UBR3: variants seen among roughly 807,000 people sequenced by gnomAD.
UBR3 encodes the protein E3 ubiquitin-protein ligase UBR3.
UBR3 carries 85 observed loss-of-function variants against 243.2 expected under a neutral mutation model. The ratio of observed to expected loss-of-function variants is 0.35; its 90% CI spans 0.29 to 0.42. The LOEUF (loss-of-function observed/expected upper bound fraction) is 0.42, where lower values mean the gene tolerates loss of function less well. Among genes scored for constraint, UBR3 ranks in the 10% least tolerant of loss-of-function variants. The pLI is 1.00. For synonymous variants in UBR3, 748 were observed against 799.8 expected (o/e 0.94, Z 1.09); for missense variants, 1,686 against 2,300.8 (o/e 0.73, Z 5.47).
chr2:170,012,549 A>T (rs2090115552), intron 29 of UBR3, among the ~76,000 whole-genome samples: 1 of 152,190 alleles, frequency 6.6e-6, no homozygotes, highest in African/African-American at 2.4e-5. Context: ...TAAAGGGAAG[A>T]TGAGCAAATT....
At chr2:169,837,259 C>T (rs111977362) in intron 1 of UBR3, among the ~76,000 whole-genome samples, 8,732 of 152,270 alleles carry the variant, frequency 0.057, 468 homozygotes, top group African/African-American at 0.14. Flanking sequence ...GGTGAATCAC[C>T]TGAGGTCGGG....
chr2:169,927,422 T>G lies in UBR3; in HGVS notation c.2424+17T>G, dbSNP rs1559102190. On this transcript the variant is annotated intron_variant, in intron 17 of 38. Coordinates refer to ENST00000272793, the MANE Select transcript of UBR3 (RefSeq NM_172070.4). ...CTGGACCTCATATCCTTTTAAAATT[T>G]TACTTTCTGTTAGTTGCAGGATCTA... is the stretch of plus-strand genomic sequence containing the variant. 1 of 1,508,896 alleles carries G rather than the reference T, an allele frequency of 6.6e-7. No individual in the cohort carries two copies. The highest frequency in any genetic ancestry group is 8.9e-7 in the Non-Finnish European group (1 of 1,122,526). The allele number at this position is 1,508,896 out of a possible 1,614,324, so 93.5% of individuals were successfully genotyped here.
chr2:170,029,374 C>A lies in UBR3; in HGVS notation c.4482C>A (p.His1494Gln), dbSNP rs371856644. 1.6e-5 allele frequency: 26 copies of A among 1,611,036 alleles called. No homozygotes were observed. Among genetic ancestry groups the A allele is most frequent in the Non-Finnish European group, 2.1e-5 (25 of 1,178,432 alleles). The change falls in exon 31 of 39, where the codon CAC becomes CAA. Residue 1494 changes from histidine to glutamine, a missense_variant. His to Gln is a conservative substitution (Grantham distance 24). Transcript: ENST00000272793. ...LNQLFHVLAL[H>Q]MRLYSIDSEY... is the part of the protein sequence containing the mutation. ...AGCTGTTTCATGTATTAGCCTTGCA[C>A]ATGCGGCTTTATAGCATTGACTCTG...
chr2:169,852,537 A>T (rs570107110), intron 1 of UBR3, among the ~76,000 whole-genome samples: 1 of 152,184 alleles, frequency 6.6e-6, no homozygotes. Flanking sequence ...AGAAAATACT[A>T]TCTGGCTCTT....
chr2:169,896,815 G>A, intron 8 of UBR3, 80 bp downstream of exon 8: 1 of 933,234 alleles, frequency 1.1e-6, no homozygotes, highest in Non-Finnish European at 1.5e-6. Flanking sequence ...CATATACTTA[G>A]TAATATTACT....
At position 170,080,583 on chromosome 2, in the gene UBR3, T is replaced by A. The variant is rs773057476; in HGVS notation, c.5448T>A (p.Leu1816=). ...QNCGAGTGIF[L]LINASVIIII... ...GTGGTGCAGGAACAGGTATTTTCCT[T>A]TTGATCAATGCATCGGTAATTATCA... is the stretch of plus-strand genomic sequence containing the variant. Residue 1816 remains leucine (L), a synonymous_variant, in exon 38 of 39, where the codon CTT becomes CTA. Transcript: ENST00000272793. The A allele has an allele frequency of 6.2e-7, 1 of 1,613,900 alleles. No homozygotes were observed. The highest frequency in any genetic ancestry group is 8.5e-7 in the Non-Finnish European group (1 of 1,179,876).
In UBR3 at chr2:169,903,048, T is replaced by C. The variant is rs1283716097; in HGVS notation, c.1466-2066T>C. The stretch of plus-strand genomic sequence containing the variant: ...AGAGATCATCTAAATCTTGATTTAT[T>C]TATCACTTTATTCTCAGAGATTAGT... On this transcript the variant is annotated intron_variant, in intron 8 of 38. Coordinates refer to ENST00000272793, the MANE Select transcript of UBR3 (RefSeq NM_172070.4). 3.3e-5 allele frequency among the ~76,000 whole-genome samples: 5 copies of C among 152,334 alleles called. No homozygotes were observed. The East Asian group carries it at 9.6e-4, about 29-fold the overall frequency.
intron 26 of UBR3, among the ~76,000 whole-genome samples, chr2:169,998,077 G>A (rs918888348): frequency 6.6e-6 from 1 of 151,066 alleles, no homozygotes; most frequent in East Asian, 1.9e-4. Flanking sequence ...ATTAGACCTG[G>A]CCCTGTCTGT....
At position 169,875,775 on chromosome 2, in the gene UBR3, T is replaced by C. The variant is rs768562375; in HGVS notation, c.686-16T>C. On this transcript the variant is annotated splice_polypyrimidine_tract_variant and intron_variant, in intron 2 of 38. Coordinates refer to ENST00000272793, the MANE Select transcript of UBR3 (RefSeq NM_172070.4). The stretch of plus-strand genomic sequence containing the variant: ...AAAATTACCCTTATTTGATTTTTTT[T>C]CTTTTTTTCTTTTAGCAGCTGATGG... 5 of 1,499,000 alleles carry C rather than the reference T, an allele frequency of 3.3e-6. No individual in the cohort carries two copies. The highest frequency in any genetic ancestry group is 4.4e-6 in the Non-Finnish European group (5 of 1,127,928). The allele number at this position is 1,499,000 out of a possible 1,614,324, so 92.9% of individuals were successfully genotyped here. A position where few individuals can be genotyped will look rare whatever the true frequency, so the allele number is the denominator to read the frequency against.
At chr2:169,871,569 G>A (rs2083439296) in intron 1 of UBR3, among the ~76,000 whole-genome samples, 2 of 151,806 alleles carry the variant, frequency 1.3e-5, no homozygotes, top group Non-Finnish European at 2.9e-5. Flanking sequence ...CCAACATGGT[G>A]AAACCTCGTT....
At chr2:170,033,271 T>A (rs2090728314) in intron 31 of UBR3, among the ~76,000 whole-genome samples, 1 of 152,114 alleles carries the variant, frequency 6.6e-6, no homozygotes, top group Admixed American at 6.6e-5. Flanking sequence ...TAGTAAATGC[T>A]GTGAACACTT....
chr2:169,849,060 A>T (rs2082575375), intron 1 of UBR3, among the ~76,000 whole-genome samples: 1 of 152,200 alleles, frequency 6.6e-6, no homozygotes, highest in Non-Finnish European at 1.5e-5. Flanking sequence ...TCACCAGACT[A>T]TGGAGGATTC....
intron 1 of UBR3, among the ~76,000 whole-genome samples, chr2:169,841,959 C>G (rs989075350): frequency 1.3e-5 from 2 of 152,246 alleles, no homozygotes; most frequent in African/African-American, 4.8e-5. Flanking sequence ...ACCTGTAGCC[C>G]CGGTGCGGGA....
intron 36 of UBR3, among the ~76,000 whole-genome samples, chr2:170,074,904 A>G (rs951480050): frequency 6.6e-6 from 1 of 152,202 alleles, no homozygotes; most frequent in African/African-American, 2.4e-5. Context: ...CCTCATATAT[A>G]CTAGTCACCT....
intron 24 of UBR3, among the ~76,000 whole-genome samples, chr2:169,971,185 T>C (rs2088123070): frequency 1.3e-5 from 2 of 151,172 alleles, no homozygotes. Flanking sequence ...TGTTTTTTTC[T>C]TGTGAATTTG....
intron 20 of UBR3, 80 bp from the exon 21 acceptor site, chr2:169,946,208 G>A (rs1166753021): frequency 2.1e-5 from 17 of 826,286 alleles, no homozygotes; most frequent in Non-Finnish European, 2.8e-5. Flanking sequence ...GTCTAGAACA[G>A]TAAAATATTT....
At chr2:169,942,970 A>G (rs1460906145) in intron 20 of UBR3, among the ~76,000 whole-genome samples, 1 of 152,206 alleles carries the variant, frequency 6.6e-6, no homozygotes, top group Non-Finnish European at 1.5e-5. Context: ...ACCCACTAAA[A>G]TGACAAAACT....
rs1042264961 is a variant in UBR3 at position 169,909,281 on chromosome 2, G to A, written c.1779+3117G>A. Among the ~76,000 whole-genome samples the A allele has an allele frequency of 1.4e-4, 21 of 152,150 alleles. 1 individual carries two copies. The highest frequency in any genetic ancestry group is 4.4e-5 in the Non-Finnish European group (3 of 68,020). ...AGGAGAAGCCACTGAAGATTTTTAA[G>A]CAAGGGTTTAATGTGATCAGATTTA... On this transcript the variant is annotated intron_variant, in intron 10 of 38. Coordinates refer to ENST00000272793, the MANE Select transcript of UBR3 (RefSeq NM_172070.4).
intron 10 of UBR3, among the ~76,000 whole-genome samples, chr2:169,911,247 A>G (rs1301132692): frequency 6.6e-6 from 1 of 152,178 alleles, no homozygotes; most frequent in Non-Finnish European, 1.5e-5. Flanking sequence ...CTTTCTGAGG[A>G]GAAAAATAAG....
Sources: allele counts gnomAD v4.1 joint callset (sites outside exome capture counted in the v4.1 genomes callset), GRCh38; gene constraint gnomAD v4.1.1; transcripts MANE v1.5; gene names NCBI Gene and HGNC (gene_info 2026-07-23, HGNC 2026-07-21).